DSTYK: variants seen among roughly 807,000 people sequenced by gnomAD.
DSTYK encodes the protein dual serine/threonine and tyrosine protein kinase, also known as RIP-homologous kinase.
A neutral mutation model predicts 98.7 loss-of-function variants in DSTYK; 34 were observed. The ratio of observed to expected loss-of-function variants is 0.34; its 90% CI spans 0.26 to 0.46. The LOEUF (loss-of-function observed/expected upper bound fraction) is 0.46, where lower values mean the gene tolerates loss of function less well. DSTYK is among the 20% of genes least tolerant of loss of function. The probability of loss-of-function intolerance (pLI) is 1.00; values close to 1 mark genes in which losing one functional copy is unlikely to be tolerated. For missense variants in DSTYK, 962 were observed against 1,181.7 expected, an observed-to-expected ratio of 0.81 and a Z score of 2.73; for synonymous variants, 462 against 457.3, an observed-to-expected ratio of 1.01 and a Z score of -0.13.
chr1:205,182,709 G>A (rs1227201066), intron 2 of DSTYK, among the ~76,000 whole-genome samples: 1 of 151,938 alleles, frequency 6.6e-6, no homozygotes, highest in Non-Finnish European at 1.5e-5. Context: ...GGGAGGCTGA[G>A]GCAGGAGAAT....
intron 10 of DSTYK, among the ~76,000 whole-genome samples, chr1:205,154,121 A>G (rs1657489524): frequency 6.6e-6 from 1 of 151,774 alleles, no homozygotes; most frequent in Admixed American, 6.6e-5. Context: ...TACATTTTGG[A>G]GAAAAGAATA....
chr1:205,156,795 G>C (rs1353830281), intron 10 of DSTYK, among the ~76,000 whole-genome samples: 3 of 152,150 alleles, frequency 2.0e-5, no homozygotes, highest in African/African-American at 7.2e-5. Flanking sequence ...GGGGCAGAAT[G>C]ATATGGTTTG....
chr1:205,164,998 T>C (rs1657845926), intron 3 of DSTYK, among the ~76,000 whole-genome samples: 1 of 152,196 alleles, frequency 6.6e-6, no homozygotes, highest in Non-Finnish European at 1.5e-5. Flanking sequence ...AACCCAGTGC[T>C]CATTATTCCA....
chr1:205,170,400 T>C (rs536810656), intron 2 of DSTYK, among the ~76,000 whole-genome samples: 1 of 152,326 alleles, frequency 6.6e-6, no homozygotes, highest in African/African-American at 2.4e-5. Flanking sequence ...GTTCAACATA[T>C]TTATAATCCA....
At chr1:205,160,670 T>C (rs1356542677) in intron 7 of DSTYK, among the ~76,000 whole-genome samples, 1 of 151,990 alleles carries the variant, frequency 6.6e-6, no homozygotes, top group African/African-American at 2.4e-5. Flanking sequence ...GCCTTTAGGG[T>C]CAGGAAGCTG....
At chr1:205,197,329 T>C (rs1033207025) in intron 1 of DSTYK, among the ~76,000 whole-genome samples, 1 of 151,944 alleles carries the variant, frequency 6.6e-6, no homozygotes, top group Non-Finnish European at 1.5e-5. Flanking sequence ...CTAACTGCAC[T>C]CAGCTCTCAA....
chr1:205,172,562 G>A lies in DSTYK; in HGVS notation c.655-2730C>T, dbSNP rs184762595. 8.7e-3 allele frequency among the ~76,000 whole-genome samples: 1,317 copies of A among 151,302 alleles called. 17 individuals carry two copies. The highest frequency in any genetic ancestry group is 0.03 in the African/African-American group (1,245 of 41,210). ...GAACTCCTGAGCTCAAGCGATCTGC[G>A]CCTCAGCCTCCCAAAGTGCTGAGAT... On this transcript the variant is annotated intron_variant, in intron 2 of 12. Transcript: ENST00000367162.
intron 2 of DSTYK, among the ~76,000 whole-genome samples, chr1:205,180,305 G>A (rs989403368): frequency 7.3e-5 from 8 of 109,122 alleles, no homozygotes; most frequent in Admixed American, 1.3e-4. Context: ...GATGCTCCCC[G>A]CCTTGTGTCC....
In DSTYK at chr1:205,150,944, A is replaced by G. The variant is rs1038038757; in HGVS notation, c.2353-150T>C. The G allele has an allele frequency of 2.0e-5, 14 of 700,100 alleles. No homozygotes were observed. Among genetic ancestry groups the G allele is most frequent in the Admixed American group, 4.7e-5 (2 of 42,950 alleles). 43.4% of individuals were successfully genotyped at this position (700,100 alleles called of 1,614,324 possible). On this transcript the variant is annotated intron_variant, in intron 10 of 12. Transcript: ENST00000367162. This position sits in a 1 kb window ranked among gnomAD's most constrained non-coding sequence, Gnocchi z 4.1. ...AGTTGTCAGGTGATTTCATCCTTGT[A>G]CAAACACCAGACTGTGCTTACACCA...
In DSTYK at chr1:205,187,752, A is replaced by G. The variant is rs766495411; in HGVS notation, c.320T>C (p.Ile107Thr). The G allele has an allele frequency of 7.4e-6, 12 of 1,614,136 alleles. No individual in the cohort carries two copies. Among genetic ancestry groups the G allele is most frequent in the South Asian group, 2.2e-5 (2 of 91,080 alleles). ...PPKEEKYLQQ[I>T]VDCLPCILIL... Reference sequence around the variant, plus strand: ...CAGTATGCAAGGGAGGCAGTCCACAATCTGCTGGAGGTACTTCTCTTCCTT... The same window carrying G: ...CAGTATGCAAGGGAGGCAGTCCACAGTCTGCTGGAGGTACTTCTCTTCCTT... The change falls in exon 2 of 13, where the codon ATT (isoleucine) becomes ACT (threonine). Residue 107 changes from isoleucine to threonine, a missense_variant. Ile to Thr is a moderately conservative substitution (Grantham distance 89). Transcript: ENST00000367162.
intron 11 of DSTYK, among the ~76,000 whole-genome samples, chr1:205,148,563 C>G (rs1326722836): frequency 6.6e-6 from 1 of 152,114 alleles, no homozygotes; most frequent in African/African-American, 2.4e-5. Context: ...GAGAGCCAAG[C>G]CTAGAACTTG....
intron 5 of DSTYK, 93 bp from the exon 6 acceptor site, chr1:205,162,305 A>G (rs1657750721): frequency 2.1e-6 from 3 of 1,444,878 alleles, no homozygotes; most frequent in Middle Eastern, 3.7e-4. Context: ...TTACCCATTC[A>G]TTAAGAGCAG....
At chr1:205,188,155 A>T (rs1445187867) in intron 1 of DSTYK, among the ~76,000 whole-genome samples, 3 of 152,174 alleles carry the variant, frequency 2.0e-5, no homozygotes, top group Non-Finnish European at 4.4e-5. Context: ...CAAGATTATT[A>T]AAATAACAAA....
intron 1 of DSTYK, among the ~76,000 whole-genome samples, chr1:205,206,911 T>G (rs537568725): frequency 2.0e-5 from 3 of 151,896 alleles, no homozygotes; most frequent in African/African-American, 7.2e-5. Flanking sequence ...TCCCAAGAAC[T>G]CTAGAGATCA....
intron 1 of DSTYK, among the ~76,000 whole-genome samples, chr1:205,203,670 C>T (rs1270811857): frequency 6.6e-6 from 1 of 151,602 alleles, no homozygotes; most frequent in Non-Finnish European, 1.5e-5. Context: ...AATCCCAGTG[C>T]TTTGGGAGGC....
At chr1:205,159,841 T>A (rs574999314) in intron 8 of DSTYK, among the ~76,000 whole-genome samples, 162 bp from the exon 9 acceptor site, 2 of 152,292 alleles carry the variant, frequency 1.3e-5, no homozygotes, top group Admixed American at 1.3e-4. Context: ...GAGCATGGCC[T>A]CTTCAACAAG....
At chr1:205,189,243 A>T (rs1311324950) in intron 1 of DSTYK, among the ~76,000 whole-genome samples, 1 of 152,244 alleles carries the variant, frequency 6.6e-6, no homozygotes, top group African/African-American at 2.4e-5. Flanking sequence ...AATGTTCAAG[A>T]CAGAACAAGC....
chr1:205,168,221 A>C (rs1411345960), intron 3 of DSTYK, among the ~76,000 whole-genome samples: 1 of 152,220 alleles, frequency 6.6e-6, no homozygotes, highest in Non-Finnish European at 1.5e-5. Flanking sequence ...CAGTAACTGG[A>C]AACAGATTAA....
At position 205,163,851 on chromosome 1, in the gene DSTYK, C is replaced by A. The variant is rs1174373891; in HGVS notation, c.1429G>T (p.Ala477Ser). Residue 477 changes from alanine to serine, a missense_variant, in exon 4 of 13, where the codon GCT (alanine) becomes TCT (serine). Ala to Ser is a moderately conservative substitution (Grantham distance 99). This residue lies in a region of DSTYK where 660 missense variants were observed against 855.0 expected (regional missense o/e 0.77). Coordinates refer to ENST00000367162, the MANE Select transcript of DSTYK (RefSeq NM_015375.3). ...LIISRLNQAV[A>S]NKLISSVDYL... ...TCCACTGAGCTGATCAGCTTATTAG[C>A]CACTGCCTGATTAAGTCGGGAGATG... The A allele has an allele frequency of 5.0e-6, 8 of 1,614,166 alleles. No homozygotes were observed. Among genetic ancestry groups the A allele is most frequent in the Middle Eastern group, 1.6e-4 (1 of 6,062 alleles).
Sources: allele counts gnomAD v4.1 joint callset (sites outside exome capture counted in the v4.1 genomes callset), GRCh38; gene constraint gnomAD v4.1.1; regional missense constraint gnomAD v4.1.1; non-coding constraint Gnocchi (gnomAD v3.1); transcripts MANE v1.5; gene names NCBI Gene and HGNC (gene_info 2026-07-23, HGNC 2026-07-21).